LOC400499: variants seen among roughly 807,000 people sequenced by gnomAD.
At chr16:11,396,415 C>G in the LOC400499 span, 442 of 1,156,568 alleles carry the variant, frequency 3.8e-4, 1 homozygote, top group South Asian at 4.1e-3. Context: ...GATGGCGGGG[C>G]CGCCCAGGCA....
At chr16:11,392,294 T>G in the LOC400499 span, 1 of 398,970 alleles carries the variant, frequency 2.5e-6, no homozygotes, top group Non-Finnish European at 4.4e-6. Flanking sequence ...CCCTTCCCTG[T>G]GTCCCAGCCC....
chr16:11,502,475 C>G, the LOC400499 span, among the ~76,000 whole-genome samples: 1 of 152,220 alleles, frequency 6.6e-6, no homozygotes, highest in Admixed American at 6.5e-5. Context: ...AGTGAAAGAA[C>G]AGGCATAGTG....
the LOC400499 span, among the ~76,000 whole-genome samples, chr16:11,461,687 C>A: frequency 4.6e-5 from 7 of 152,150 alleles, no homozygotes; most frequent in Admixed American, 1.3e-4. Flanking sequence ...TCCCAGACAC[C>A]CACATCGGGG....
the LOC400499 span, among the ~76,000 whole-genome samples, chr16:11,518,675 C>T: frequency 3.4e-4 from 52 of 152,092 alleles, no homozygotes; most frequent in Admixed American, 3.3e-4. Flanking sequence ...TGAAGGCAGC[C>T]CCCCAGCGGT....
chr16:11,510,467 A>C, the LOC400499 span, among the ~76,000 whole-genome samples: 1 of 151,614 alleles, frequency 6.6e-6, no homozygotes, highest in Non-Finnish European at 1.5e-5. Context: ...CTTATCCTTC[A>C]TTACTTTCTC....
the LOC400499 span, chr16:11,402,194 C>T: frequency 5.5e-5 from 22 of 398,924 alleles, no homozygotes; most frequent in East Asian, 2.1e-4. Context: ...GGGTAGGGCA[C>T]GTGAGCTGAG....
chr16:11,417,778 C>T, the LOC400499 span: 1 of 398,958 alleles, frequency 2.5e-6, no homozygotes, highest in Non-Finnish European at 4.4e-6. Flanking sequence ...GAATGTGGGC[C>T]CCATCAGGAT....
the LOC400499 span, among the ~76,000 whole-genome samples, chr16:11,439,328 T>G: frequency 6.6e-6 from 1 of 152,160 alleles, no homozygotes; most frequent in East Asian, 1.9e-4. Context: ...CTGTTCTTGA[T>G]TCTACAGGGC....
At chr16:11,483,695 G>C in the LOC400499 span, among the ~76,000 whole-genome samples, 12 of 144,766 alleles carry the variant, frequency 8.3e-5, no homozygotes, top group African/African-American at 2.1e-4. Flanking sequence ...ATGAGACCCT[G>C]TCTGTACAAC....
chr16:11,495,852 A>G, the LOC400499 span, among the ~76,000 whole-genome samples: 1 of 152,220 alleles, frequency 6.6e-6, no homozygotes, highest in Non-Finnish European at 1.5e-5. Flanking sequence ...CCACAGCTAT[A>G]GATAGAACTG....
At chr16:11,402,000 C>T in the LOC400499 span, 2 of 399,174 alleles carry the variant, frequency 5.0e-6, no homozygotes, top group Non-Finnish European at 8.8e-6. Flanking sequence ...TGGAGTTCAG[C>T]TCTGCCCCAG....
the LOC400499 span, chr16:11,399,519 T>C: frequency 0.012 from 4,983 of 398,684 alleles, 198 homozygotes; most frequent in African/African-American, 0.092. Flanking sequence ...CAGGACACGT[T>C]GAGCTGTTCA....
chr16:11,385,627 C>G, the LOC400499 span, among the ~76,000 whole-genome samples: 564 of 152,360 alleles, frequency 3.7e-3, 7 homozygotes, highest in African/African-American at 0.013. Flanking sequence ...ACTGGCAATT[C>G]AGCCCTAACA....
the LOC400499 span, among the ~76,000 whole-genome samples, chr16:11,496,412 C>T: frequency 3.4e-4 from 52 of 152,298 alleles, 1 homozygote; most frequent in Middle Eastern, 6.8e-3. Flanking sequence ...TTCACCAGAT[C>T]TGTGTTACTA....
chr16:11,517,052 G>A, the LOC400499 span, among the ~76,000 whole-genome samples: 1 of 152,128 alleles, frequency 6.6e-6, no homozygotes, highest in Non-Finnish European at 1.5e-5. Context: ...TCCTCCAAAA[G>A]GAACCTAATT....
At chr16:11,439,594 G>T in the LOC400499 span, 7 of 399,080 alleles carry the variant, frequency 1.8e-5, no homozygotes, top group African/African-American at 4.1e-5. Flanking sequence ...GTTGCAGGGA[G>T]AGTTGAAGAG....
the LOC400499 span, among the ~76,000 whole-genome samples, chr16:11,433,529 G>T: frequency 2.0e-5 from 3 of 152,190 alleles, no homozygotes; most frequent in Non-Finnish European, 1.5e-5. Flanking sequence ...TTGACACAGA[G>T]CTCCTAATCC....
chr16:11,409,716 G>C, the LOC400499 span, among the ~76,000 whole-genome samples: 7,330 of 152,310 alleles, frequency 0.048, 210 homozygotes, highest in Middle Eastern at 0.15. Flanking sequence ...TCAACGTTCA[G>C]TTTCTGGAAT....
chr16:11,385,324 G>A, the LOC400499 span: 4 of 1,232,192 alleles, frequency 3.2e-6, no homozygotes, highest in African/African-American at 1.6e-5. Context: ...GCAAAGTCCT[G>A]GGCCAGGAGG....
Sources: allele counts gnomAD v4.1 joint callset (sites outside exome capture counted in the v4.1 genomes callset), GRCh38; gene constraint gnomAD v4.1.1; transcripts MANE v1.5.